The following PTBP2 variants were observed in gnomAD, a reference collection of about 807,000 sequenced individuals.
The protein encoded by PTBP2 is polypyrimidine tract binding protein 2.
A neutral mutation model predicts 61.4 loss-of-function variants in PTBP2; 13 were observed. That is an observed-to-expected ratio of 0.21 (90% CI 0.14 to 0.34). PTBP2 has a LOEUF of 0.34. Ranked by LOEUF, PTBP2 falls within the 10% of genes least tolerant of loss-of-function variation. PTBP2 has a pLI of 1.00. For missense variants in PTBP2, 405 were observed against 642.6 expected, an observed-to-expected ratio of 0.63 and a Z score of 4.00; for synonymous variants, 215 against 218.5, an observed-to-expected ratio of 0.98 and a Z score of 0.14.
chr1:96,781,266 C>T, intron 7 of PTBP2, among the ~76,000 whole-genome samples: 1 of 151,978 alleles, frequency 6.6e-6, no homozygotes, highest in Admixed American at 6.6e-5. Context: ...GACATCTTCC[C>T]CTACCTCCAT....
intron 8 of PTBP2, among the ~76,000 whole-genome samples, chr1:96,801,137 A>G (rs189990546): frequency 1.1e-4 from 17 of 152,220 alleles, no homozygotes; most frequent in African/African-American, 4.1e-4. Flanking sequence ...ATTTAAATAG[A>G]TTGATAATTT....
chr1:96,774,142 T>C (rs1274205755), intron 5 of PTBP2, among the ~76,000 whole-genome samples: 1 of 150,914 alleles, frequency 6.6e-6, no homozygotes, highest in Non-Finnish European at 1.5e-5. Flanking sequence ...AAGGAAGAAA[T>C]TCTGGTTCCT....
intron 5 of PTBP2, among the ~76,000 whole-genome samples, chr1:96,774,218 G>A (rs1171701198): frequency 6.6e-6 from 1 of 152,020 alleles, no homozygotes; most frequent in African/African-American, 2.4e-5. Context: ...ACAGGAGGGA[G>A]AAGAGAAATT....
At chr1:96,776,200 A>C (rs963532052) in intron 5 of PTBP2, among the ~76,000 whole-genome samples, 8 of 152,026 alleles carry the variant, frequency 5.3e-5, no homozygotes, top group African/African-American at 1.7e-4. Context: ...TTATAGATAA[A>C]TACAGTAAGA....
chr1:96,738,965 A>C (rs957136766), intron 2 of PTBP2, among the ~76,000 whole-genome samples: 3 of 152,240 alleles, frequency 2.0e-5, no homozygotes, highest in Non-Finnish European at 4.4e-5. Context: ...GTGATAAGAC[A>C]ATGAATAAAT....
intron 3 of PTBP2, among the ~76,000 whole-genome samples, chr1:96,762,454 C>T (rs1234498929): frequency 1.4e-5 from 2 of 146,596 alleles, no homozygotes; most frequent in South Asian, 4.3e-4. Flanking sequence ...GCTGACCCCC[C>T]CACCTCCCTC....
chr1:96,735,028 C>T, intron 2 of PTBP2, among the ~76,000 whole-genome samples: 1 of 151,568 alleles, frequency 6.6e-6, no homozygotes, highest in Non-Finnish European at 1.5e-5. Context: ...AGCGATTCTC[C>T]TGCCTCAGCT....
At chr1:96,771,631 T>G (rs1570888375) in intron 5 of PTBP2, among the ~76,000 whole-genome samples, 1 of 152,218 alleles carries the variant, frequency 6.6e-6, no homozygotes, top group South Asian at 2.1e-4. Context: ...TTTTAATTTC[T>G]TTTGAAAAAG....
intron 3 of PTBP2, among the ~76,000 whole-genome samples, chr1:96,756,535 G>A (rs1453729845): frequency 6.6e-6 from 1 of 152,206 alleles, no homozygotes; most frequent in East Asian, 1.9e-4. Context: ...GAACTTCATA[G>A]CAACCAAGAA....
chr1:96,764,973 C>T (rs1028582121), intron 3 of PTBP2, among the ~76,000 whole-genome samples: 6 of 152,258 alleles, frequency 3.9e-5, no homozygotes, highest in African/African-American at 7.2e-5. Context: ...AGGCTTTTTG[C>T]GTGGTGGCTG....
At chr1:96,731,461 G>C (rs1217558047) in intron 2 of PTBP2, among the ~76,000 whole-genome samples, 2 of 152,200 alleles carry the variant, frequency 1.3e-5, no homozygotes, top group South Asian at 2.1e-4. Context: ...CTGCCTGTTT[G>C]TGTACTGGAC....
chr1:96,785,647 T>C (rs1368700170), intron 8 of PTBP2, among the ~76,000 whole-genome samples: 1 of 152,218 alleles, frequency 6.6e-6, no homozygotes, highest in African/African-American at 2.4e-5. Context: ...CTGATTGTTT[T>C]AATTTAGCAT....
chr1:96,776,630 A>G (rs1191795794), intron 5 of PTBP2, among the ~76,000 whole-genome samples: 2 of 151,746 alleles, frequency 1.3e-5, no homozygotes, highest in African/African-American at 4.8e-5. Flanking sequence ...TATTTGTGGT[A>G]TTTGTCATTG....
At chr1:96,740,572 G>A (rs1652865895) in intron 2 of PTBP2, among the ~76,000 whole-genome samples, 1 of 152,024 alleles carries the variant, frequency 6.6e-6, no homozygotes, top group African/African-American at 2.4e-5. Context: ...ATAATACCCT[G>A]CATATAGTTG....
intron 5 of PTBP2, among the ~76,000 whole-genome samples, chr1:96,776,182 G>A (rs1658013835): frequency 6.6e-6 from 1 of 151,892 alleles, no homozygotes; most frequent in Admixed American, 6.6e-5. Context: ...GGTAGTCTAT[G>A]CTTGTTATTA....
At chr1:96,743,789 C>G (rs1437823721) in intron 2 of PTBP2, among the ~76,000 whole-genome samples, 1 of 152,072 alleles carries the variant, frequency 6.6e-6, no homozygotes, top group African/African-American at 2.4e-5. Flanking sequence ...TTGCAGTAAT[C>G]ATTCTTCTTT....
chr1:96,818,116 C>G (rs532175738), downstream of PTBP2: 13 of 152,168 alleles, frequency 8.5e-5, no homozygotes, highest in South Asian at 2.1e-3. Flanking sequence ...TGTAGCTTCA[C>G]AGAGCCACCC....
intron 2 of PTBP2, among the ~76,000 whole-genome samples, chr1:96,746,859 CTCCGTCCGTCTG>C (rs1215731766): frequency 8.4e-6 from 1 of 118,766 alleles, no homozygotes; most frequent in African/African-American, 3.5e-5. Context: ...CTCCCCCTCC[CTCCGTCCGTCTG>C]TCCCTCCCTC....
intron 3 of PTBP2, 112 bp downstream of exon 3, chr1:96,751,612 G>T: frequency 1.4e-6 from 1 of 692,804 alleles, no homozygotes; most frequent in African/African-American, 1.9e-5. Flanking sequence ...AATGCGTGTT[G>T]AAACATTTTA....
Sources: allele counts gnomAD v4.1 joint callset (sites outside exome capture counted in the v4.1 genomes callset), GRCh38; gene constraint gnomAD v4.1.1; transcripts MANE v1.5; gene names NCBI Gene and HGNC (gene_info 2026-07-23, HGNC 2026-07-21).